Variants in TMEM131 observed in about 807,000 individuals in gnomAD.
The protein encoded by TMEM131 is 2610524E03Rik.
A neutral mutation model predicts 211.6 loss-of-function variants in TMEM131; 66 were observed. That is an observed-to-expected ratio of 0.31 (90% CI 0.26 to 0.38). The LOEUF is 0.38. TMEM131 is among the 10% of genes least tolerant of loss of function. The pLI, the probability that TMEM131 is intolerant of heterozygous loss-of-function variation, is 1.00. For synonymous variants in TMEM131, 844 were observed against 841.3 expected (o/e 1.00, Z -0.06); for missense variants, 2,036 against 2,299.3 (o/e 0.89, Z 2.34).
In TMEM131 at chr2:97,793,484, C is replaced by T; in HGVS notation, c.3456G>A (p.Arg1152=). Residue 1152 remains arginine, a synonymous_variant, in exon 30 of 41, where the codon AGG becomes AGA. Coordinates refer to ENST00000186436, the MANE Select transcript of TMEM131 (RefSeq NM_015348.2). ...EAQGIWEPFR[R]RLSFEASNPP... is the part of the protein sequence containing the mutation. ...GGTTCGAGGCCTCAAAGGATAGCCG[C>T]CTTCGAAATGGCTCCCATATTCCTT... 2 of 1,613,896 alleles carry T rather than the reference C, an allele frequency of 1.2e-6. No individual in the cohort carries two copies. Among genetic ancestry groups the T allele is most frequent in the African/African-American group, 2.7e-5 (2 of 75,008 alleles).
intron 4 of TMEM131, among the ~76,000 whole-genome samples, chr2:97,866,114 C>A (rs1275492523): frequency 1.3e-5 from 2 of 152,196 alleles, no homozygotes. Context: ...GATCTCCTGA[C>A]CTCGTGATCC....
intron 3 of TMEM131, among the ~76,000 whole-genome samples, chr2:97,892,193 T>C (rs945890821): frequency 9.9e-5 from 15 of 152,208 alleles, no homozygotes; most frequent in African/African-American, 3.6e-4. Context: ...TGTAAACGTC[T>C]GTGGAAAGTT....
chr2:97,901,617 A>C (rs571814800), intron 3 of TMEM131, among the ~76,000 whole-genome samples: 1 of 152,328 alleles, frequency 6.6e-6, no homozygotes, highest in Admixed American at 6.5e-5. Context: ...AAACAATAAA[A>C]TCCTGTTATT....
chr2:97,878,007 C>T (rs1038852830), intron 4 of TMEM131, among the ~76,000 whole-genome samples: 1 of 152,088 alleles, frequency 6.6e-6, no homozygotes, highest in Non-Finnish European at 1.5e-5. Flanking sequence ...AACAAATTTA[C>T]AAGAAAATAA....
At chr2:97,829,817 T>C (rs1682577870) in intron 11 of TMEM131, among the ~76,000 whole-genome samples, 2 of 152,170 alleles carry the variant, frequency 1.3e-5, no homozygotes, top group African/African-American at 4.8e-5. Flanking sequence ...CATTTTTCAA[T>C]ATGCTTAAAG....
chr2:97,891,367 A>G (rs998736086), intron 3 of TMEM131, among the ~76,000 whole-genome samples: 1 of 152,156 alleles, frequency 6.6e-6, no homozygotes. Flanking sequence ...CAGATGCAGC[A>G]TGCCAGTGTG....
In TMEM131 at chr2:97,888,102, C is replaced by A. The variant is rs748321162; in HGVS notation, c.309G>T (p.Gly103=). 6.2e-7 allele frequency: 1 copy of A among 1,612,856 alleles called. No individual in the cohort carries two copies. Among genetic ancestry groups the A allele is most frequent in the African/African-American group, 1.3e-5 (1 of 75,010 alleles). ...GCTCAAATCGTATGGGCCTGCAATTCCCCCGGTAGAGAGATATACTGTAAA... is the reference window on the plus strand; with the variant it reads ...GCTCAAATCGTATGGGCCTGCAATTACCCCGGTAGAGAGATATACTGTAAA... ...YQQKSISLYR[G]NCRPIRFEPP... Residue 103 remains glycine, a synonymous_variant, in exon 4 of 41, where the codon GGG becomes GGT. Coordinates refer to ENST00000186436, the MANE Select transcript of TMEM131 (RefSeq NM_015348.2).
Position 97,766,575 on chromosome 2 carries a change from A to AG in TMEM131, c.4475dup (p.Leu1493PhefsTer4). On this transcript the variant is annotated frameshift_variant, in exon 34 of 41. Coordinates refer to ENST00000186436, the MANE Select transcript of TMEM131 (RefSeq NM_015348.2). LOFTEE classifies it high-confidence loss of function. Reference sequence around the variant, plus strand: ...GATTTCTACGTTGCTTACTTTCCAAAGGGGGAGTATATGGTAGTTCTAATG... The same window carrying AG: ...GATTTCTACGTTGCTTACTTTCCAAAGGGGGGAGTATATGGTAGTTCTAATG... 6.2e-7 allele frequency: 1 copy of AG among 1,613,968 alleles called. No individual in the cohort carries two copies. The highest frequency in any genetic ancestry group is 8.5e-7 in the Non-Finnish European group (1 of 1,179,848).
intron 1 of TMEM131, among the ~76,000 whole-genome samples, chr2:97,942,024 A>G (rs940081109): frequency 6.6e-6 from 1 of 152,170 alleles, no homozygotes; most frequent in African/African-American, 2.4e-5. Flanking sequence ...ACACATGCAC[A>G]CATATGTTTA....
chr2:97,980,764 G>C (rs1412187429), intron 1 of TMEM131, among the ~76,000 whole-genome samples: 7 of 151,992 alleles, frequency 4.6e-5, no homozygotes, highest in Non-Finnish European at 1.0e-4. Context: ...CAAGTTGGAA[G>C]AATCTCAAGT....
intron 1 of TMEM131, among the ~76,000 whole-genome samples, chr2:97,983,984 G>C (rs1679916693): frequency 6.6e-6 from 1 of 152,154 alleles, no homozygotes; most frequent in Admixed American, 6.5e-5. Context: ...ATTAGCTACA[G>C]GCACAATAGG....
intron 25 of TMEM131, among the ~76,000 whole-genome samples, chr2:97,800,773 A>G (rs1680995789): frequency 6.6e-6 from 1 of 152,040 alleles, no homozygotes; most frequent in Admixed American, 6.5e-5. Flanking sequence ...AAAAAAAAGA[A>G]AAAGAAAAGC....
intron 11 of TMEM131, among the ~76,000 whole-genome samples, chr2:97,826,882 C>A (rs1682414063): frequency 6.6e-6 from 1 of 152,054 alleles, no homozygotes; most frequent in African/African-American, 2.4e-5. Flanking sequence ...TCACTGACAA[C>A]CAGTAGCCTT....
At chr2:97,961,542 C>T (rs764231579) in intron 1 of TMEM131, among the ~76,000 whole-genome samples, 12 of 152,190 alleles carry the variant, frequency 7.9e-5, no homozygotes, top group Admixed American at 1.3e-4. Flanking sequence ...TTGTTGTTTT[C>T]GAAATTGACA....
chr2:97,819,696 T>A (rs1015654240), intron 11 of TMEM131, among the ~76,000 whole-genome samples: 1 of 152,188 alleles, frequency 6.6e-6, no homozygotes, highest in African/African-American at 2.4e-5. Flanking sequence ...TGGGTTGTAT[T>A]TGTTGAATTA....
chr2:97,765,329 A>C (rs368867392), intron 35 of TMEM131: 4 of 152,444 alleles, frequency 2.6e-5, no homozygotes, highest in East Asian at 3.9e-4. Context: ...CATTCAGCCC[A>C]GTGAGCCTGC....
intron 3 of TMEM131, among the ~76,000 whole-genome samples, chr2:97,897,685 G>A (rs1675671219): frequency 6.6e-6 from 1 of 152,112 alleles, no homozygotes; most frequent in African/African-American, 2.4e-5. Flanking sequence ...TATGTTTGAA[G>A]AGATGTCGCT....
At chr2:97,872,253 C>T (rs977553060) in intron 4 of TMEM131, among the ~76,000 whole-genome samples, 2 of 152,050 alleles carry the variant, frequency 1.3e-5, no homozygotes, top group Admixed American at 6.6e-5. Flanking sequence ...TCCTGAAGGG[C>T]CTGATACTTT....
At chr2:97,825,360 T>C (rs1017727900) in intron 11 of TMEM131, among the ~76,000 whole-genome samples, 1 of 152,234 alleles carries the variant, frequency 6.6e-6, no homozygotes, top group Non-Finnish European at 1.5e-5. Context: ...GTCAAATATC[T>C]AGGCCTAATC....
Sources: allele counts gnomAD v4.1 joint callset (sites outside exome capture counted in the v4.1 genomes callset), GRCh38; gene constraint gnomAD v4.1.1; transcripts MANE v1.5; gene names NCBI Gene and HGNC (gene_info 2026-07-23, HGNC 2026-07-21).